Variants in LMTK2 observed in about 807,000 individuals in gnomAD.
LMTK2 encodes the protein serine/threonine-protein kinase LMTK2.
LMTK2 carries 37 observed loss-of-function variants against 127.5 expected under a neutral mutation model. The ratio of observed to expected loss-of-function variants is 0.29; its 90% confidence interval spans 0.22 to 0.38. The LOEUF (loss-of-function observed/expected upper bound fraction) is 0.38, where lower values mean the gene tolerates loss of function less well. Ranked by LOEUF, LMTK2 falls within the 10% of genes least tolerant of loss-of-function variation. The pLI, the probability that LMTK2 is intolerant of heterozygous loss-of-function variation, is 1.00. For missense variants in LMTK2, 1,694 were observed against 1,920.3 expected (o/e 0.88, Z 2.20); for synonymous variants, 819 against 810.1 (o/e 1.01, Z -0.19).
At chr7:98,174,104 T>TA (rs11351887) in intron 7 of LMTK2, among the ~76,000 whole-genome samples, 19,025 of 117,782 alleles carry the variant, frequency 0.16, 1,354 homozygotes, top group South Asian at 0.25. Flanking sequence ...CATTTTGTTG[T>TA]AAAAAAAAAA....
At chr7:98,157,287 AGG>A (rs1164959881) in intron 5 of LMTK2, among the ~76,000 whole-genome samples, 3 of 150,644 alleles carry the variant, frequency 2.0e-5, no homozygotes, top group Non-Finnish European at 2.9e-5. Context: ...GTAGGTAGGT[AGG>A]TAGGTAGGTA....
At chr7:98,203,419 T>C (rs1037142529) in intron 11 of LMTK2, among the ~76,000 whole-genome samples, 155 bp from the exon 12 acceptor site, 1 of 152,262 alleles carries the variant, frequency 6.6e-6, no homozygotes, top group Non-Finnish European at 1.5e-5. Context: ...CAGGGCCTAG[T>C]GTCTGTCCGT....
chr7:98,158,209 C>T (rs1423255425), intron 5 of LMTK2, among the ~76,000 whole-genome samples: 2 of 152,164 alleles, frequency 1.3e-5, no homozygotes, highest in African/African-American at 2.4e-5. Flanking sequence ...AATGTATAAG[C>T]TAGATAGCCT....
chr7:98,154,288 G>A (rs1796896390), intron 4 of LMTK2, among the ~76,000 whole-genome samples: 1 of 152,180 alleles, frequency 6.6e-6, no homozygotes, highest in African/African-American at 2.4e-5. Flanking sequence ...GGGTGTTTAA[G>A]TTTCAGGGCA....
rs141062361 is a variant in LMTK2 at position 98,140,192 on chromosome 7, C to G, written c.232-1205C>G. Among the ~76,000 whole-genome samples, 4 of 67,032 alleles carry G rather than the reference C, an allele frequency of 6.0e-5. 2 individuals carry two copies. Among genetic ancestry groups the G allele is most frequent in the African/African-American group, 4.8e-4 (4 of 8,398 alleles). The allele number at this position is 67,032 out of a possible 152,430, so 44.0% of individuals were successfully genotyped here. On this transcript the variant is annotated intron_variant, in intron 2 of 13. Coordinates refer to ENST00000297293, the MANE Select transcript of LMTK2 (RefSeq NM_014916.4). The stretch of plus-strand genomic sequence containing the variant: ...CTTTTCTTTCTTTTCTTTCTTCTTT[C>G]TGTCTTTGAGATGGTCTCGCTCTAT...
chr7:98,159,048 AC>A (rs757149507), intron 5 of LMTK2, among the ~76,000 whole-genome samples: 3 of 151,802 alleles, frequency 2.0e-5, no homozygotes, highest in African/African-American at 4.8e-5. Flanking sequence ...ACAGAACGAG[AC>A]CCTGTCTCTT....
At position 98,151,392 on chromosome 7, in the gene LMTK2, G is replaced by A. The variant is rs1049678400; in HGVS notation, c.387G>A (p.Lys129=). 6.8e-6 allele frequency: 11 copies of A among 1,612,354 alleles called. No individual in the cohort carries two copies. Among genetic ancestry groups the A allele is most frequent in the African/African-American group, 1.3e-5 (1 of 74,980 alleles). ...SQFQPSVEGL[K]SQVARHSLNY... ...TTTTTTTCTCTACAGAGGGATTGAA[G>A]TCTCAAGTTGCCCGCCACAGTCTAA... is the stretch of plus-strand genomic sequence containing the variant. The change falls in exon 4 of 14, where the codon AAG becomes AAA. Residue 129 remains lysine (K), a synonymous_variant. Coordinates refer to ENST00000297293, the MANE Select transcript of LMTK2 (RefSeq NM_014916.4).
At position 98,193,025 on chromosome 7, in the gene LMTK2, C is replaced by G; in HGVS notation, c.2560C>G (p.Leu854Val). 1 of 1,613,900 alleles carries G rather than the reference C, an allele frequency of 6.2e-7. No individual in the cohort carries two copies. The highest frequency in any genetic ancestry group is 8.5e-7 in the Non-Finnish European group (1 of 1,179,890). The change falls in exon 11 of 14, where the codon CTC becomes GTC. Residue 854 changes from leucine to valine, a missense_variant. By Grantham distance (32) the Leu-to-Val change is conservative (BLOSUM62 1). Transcript: ENST00000297293. The surrounding 1 kb of genome is among the most constrained non-coding windows in gnomAD (Gnocchi z 4.1). Reference sequence around the variant, plus strand: ...AGATGTTATTGTCCCGGAGGACTGTCTCCACCAGGACATCAGTCCAGACGC... The same window carrying G: ...AGATGTTATTGTCCCGGAGGACTGTGTCCACCAGGACATCAGTCCAGACGC... ...CLDVIVPEDC[L>V]HQDISPDAVT...
At chr7:98,135,157 A>ATGTGT (rs1796580102) in intron 1 of LMTK2, among the ~76,000 whole-genome samples, 1 of 152,154 alleles carries the variant, frequency 6.6e-6, no homozygotes, top group African/African-American at 2.4e-5. Context: ...AGATTCAAGA[A>ATGTGT]TGTGTTTTGC....
At chr7:98,199,754 G>A (rs571991370) in intron 11 of LMTK2, among the ~76,000 whole-genome samples, 6 of 152,138 alleles carry the variant, frequency 3.9e-5, no homozygotes, top group Non-Finnish European at 5.9e-5. Context: ...CTCGGTCTTC[G>A]AAAGTGTTGG....
intron 5 of LMTK2, among the ~76,000 whole-genome samples, chr7:98,158,268 T>TTTTGAAAAACATG (rs1796958443): frequency 6.6e-6 from 1 of 152,152 alleles, no homozygotes. Context: ...ACATATTGAA[T>TTTTGAAAAACATG]TTGTTTTGTT....
At chr7:98,203,481 T>G in intron 11 of LMTK2, 93 bp from the exon 12 acceptor site, 365 of 1,444,020 alleles carry the variant, frequency 2.5e-4, no homozygotes, top group Non-Finnish European at 3.1e-4. Context: ...TCTCAGTCGA[T>G]GAGTCTGATG....
chr7:98,170,887 G>T (rs1012158232), intron 6 of LMTK2, among the ~76,000 whole-genome samples: 1 of 152,174 alleles, frequency 6.6e-6, no homozygotes, highest in African/African-American at 2.4e-5. Context: ...CTGACTGTAA[G>T]TTTGTTTATT....
chr7:98,150,503 C>A (rs189841637), intron 3 of LMTK2, among the ~76,000 whole-genome samples: 1 of 152,258 alleles, frequency 6.6e-6, no homozygotes, highest in East Asian at 1.9e-4. Flanking sequence ...TGATCTCCTT[C>A]ATATTTATTC....
At position 98,192,993 on chromosome 7, in the gene LMTK2, C is replaced by T. The variant is rs61734172; in HGVS notation, c.2528C>T (p.Thr843Met). ...CCAACACAGGGAGAAACCCAGCCCACGTGTTTAGATGTTATTGTCCCGGAG... is the reference window on the plus strand; with the variant it reads ...CCAACACAGGGAGAAACCCAGCCCATGTGTTTAGATGTTATTGTCCCGGAG... ...SLPTQGETQPTCLDVIVPEDC... is the reference protein window; with the variant it reads ...SLPTQGETQPMCLDVIVPEDC... Residue 843 changes from threonine to methionine, a missense_variant, in exon 11 of 14, where the codon ACG (threonine) becomes ATG (methionine). Thr to Met is a moderately conservative substitution (Grantham distance 81). This residue lies in a region of LMTK2 where 527 missense variants were observed against 539.8 expected (regional missense o/e 0.98). Coordinates refer to ENST00000297293, the MANE Select transcript of LMTK2 (RefSeq NM_014916.4). 438 of 1,614,088 alleles carry T rather than the reference C, an allele frequency of 2.7e-4. No individual in the cohort carries two copies. The African/African-American group carries it at 4.8e-3, about 18-fold the overall frequency.
In LMTK2 at chr7:98,208,019, G is replaced by A. The variant is rs1797835564; in HGVS notation, c.*2527G>A. ...CCAGCTGCTTGGGAGGCTGAGGTGG[G>A]AGGATGGCTAGAGCCCAGGAGATGG... On this transcript the variant is annotated 3_prime_UTR_variant, in exon 14 of 14. Transcript: ENST00000297293. The A allele has an allele frequency of 6.6e-6, 1 of 152,162 alleles. No individual in the cohort carries two copies. Among genetic ancestry groups the A allele is most frequent in the Non-Finnish European group, 1.5e-5 (1 of 68,086 alleles). The allele number at this position is 152,162 out of a possible 1,614,324, so 9.4% of individuals were successfully genotyped here.
At position 98,154,895 on chromosome 7, in the gene LMTK2, G is replaced by A. The variant is rs771775929; in HGVS notation, c.569+19G>A. ...CTTACTAGTAAGTAAACCTTGTCAT[G>A]TGTTCTGTAAGACTAGTCTGTGGTC... On this transcript the variant is annotated intron_variant, in intron 5 of 13. Transcript: ENST00000297293. 1 of 1,405,046 alleles carries A rather than the reference G, an allele frequency of 7.1e-7. No homozygotes were observed. 87.0% of individuals were successfully genotyped at this position (1,405,046 alleles called of 1,614,324 possible).
chr7:98,118,983 T>A (rs1384254774), intron 1 of LMTK2, among the ~76,000 whole-genome samples: 2 of 151,510 alleles, frequency 1.3e-5, no homozygotes, highest in African/African-American at 4.9e-5. Flanking sequence ...TCCCAGCTAC[T>A]CAGGAGGCTG....
intron 7 of LMTK2, among the ~76,000 whole-genome samples, chr7:98,177,356 G>A (rs1414852471): frequency 1.3e-5 from 2 of 152,090 alleles, no homozygotes; most frequent in Non-Finnish European, 2.9e-5. Context: ...ACTGTATGAA[G>A]AAAACTATGA....
Sources: gnomAD v4.1 joint callset for allele counts (sites outside exome capture counted in the v4.1 genomes callset) on GRCh38, gnomAD v4.1.1 for gene constraint, gnomAD v4.1.1 regional missense constraint, Gnocchi (gnomAD v3.1) non-coding constraint, MANE v1.5 for transcripts, NCBI Gene and HGNC (gene_info 2026-07-23, HGNC 2026-07-21) for gene names.